MAML2: variants seen among roughly 807,000 people sequenced by gnomAD.
The protein encoded by MAML2 is mastermind like transcriptional coactivator 2, also known as mastermind-like protein 2.
In MAML2, 22 loss-of-function variants were observed where a neutral mutation model predicts 96.1. That is an observed-to-expected ratio of 0.23 (90% CI 0.16 to 0.33). MAML2 has a LOEUF of 0.33. MAML2 is among the 10% of genes least tolerant of loss of function. The probability of loss-of-function intolerance (pLI) is 1.00; values close to 1 mark genes in which losing one functional copy is unlikely to be tolerated. For synonymous variants in MAML2, 561 were observed against 521.3 expected (o/e 1.08, Z -1.04); for missense variants, 1,367 against 1,392.4 (o/e 0.98, Z 0.29).
chr11:95,994,339 G>C (rs541058776), intron 2 of MAML2, among the ~76,000 whole-genome samples: 2 of 152,336 alleles, frequency 1.3e-5, no homozygotes, highest in South Asian at 4.1e-4. Flanking sequence ...TGACCAGTCA[G>C]TTCTTTCAAC....
At chr11:96,030,514 A>C (rs1359548976) in intron 2 of MAML2, among the ~76,000 whole-genome samples, 1 of 152,224 alleles carries the variant, frequency 6.6e-6, no homozygotes, top group African/African-American at 2.4e-5. Flanking sequence ...AATATTTAAC[A>C]TATGCTTCTG....
chr11:96,139,385 G>A (rs1037582542), intron 1 of MAML2, among the ~76,000 whole-genome samples: 5 of 151,874 alleles, frequency 3.3e-5, no homozygotes, highest in African/African-American at 4.8e-5. Context: ...GCTGAGGCAG[G>A]AGAATGGCGT....
intron 1 of MAML2, among the ~76,000 whole-genome samples, chr11:96,149,827 G>GTCTCCT (rs1009787553): frequency 6.6e-6 from 1 of 151,938 alleles, no homozygotes; most frequent in Non-Finnish European, 1.5e-5. Context: ...TCTTCTCTCG[G>GTCTCCT]TCTCCTTCTC....
At chr11:96,242,155 A>G (rs1241468742) in intron 1 of MAML2, among the ~76,000 whole-genome samples, 1 of 152,212 alleles carries the variant, frequency 6.6e-6, no homozygotes, top group Non-Finnish European at 1.5e-5. Context: ...AACCAAGTGG[A>G]TGCCCCTCTT....
intron 1 of MAML2, among the ~76,000 whole-genome samples, chr11:96,109,326 A>G (rs1207166182): frequency 6.6e-6 from 1 of 152,154 alleles, no homozygotes; most frequent in African/African-American, 2.4e-5. Flanking sequence ...CATTATGAAG[A>G]TCGTGGGTAG....
chr11:95,999,467 G>A (rs1940151), intron 2 of MAML2, among the ~76,000 whole-genome samples: 4,721 of 146,066 alleles, frequency 0.032, 182 homozygotes, highest in African/African-American at 0.092. Flanking sequence ...AGTAAGACTC[G>A]TTGGATTCAG....
intron 1 of MAML2, among the ~76,000 whole-genome samples, chr11:96,232,673 G>A (rs1399517430): frequency 1.3e-5 from 2 of 152,050 alleles, no homozygotes; most frequent in Admixed American, 1.3e-4. Flanking sequence ...GGGTTTCACC[G>A]TGTTAGCCAG....
At chr11:96,081,951 A>G (rs1859534786) in intron 2 of MAML2, among the ~76,000 whole-genome samples, 1 of 152,134 alleles carries the variant, frequency 6.6e-6, no homozygotes, top group Admixed American at 6.5e-5. Context: ...ATTCAAACCC[A>G]TTTCATTTTC....
intron 2 of MAML2, among the ~76,000 whole-genome samples, chr11:96,043,698 C>A (rs1313434485): frequency 1.3e-5 from 2 of 152,184 alleles, no homozygotes; most frequent in East Asian, 3.8e-4. Flanking sequence ...TCAACTATAA[C>A]AAAATATTTT....
intron 1 of MAML2, among the ~76,000 whole-genome samples, chr11:96,272,725 A>G (rs897935471): frequency 6.6e-6 from 1 of 152,208 alleles, no homozygotes; most frequent in African/African-American, 2.4e-5. Flanking sequence ...ATGCAGCATT[A>G]CAGGTTTTCT....
chr11:96,264,205 G>A (rs572067432), intron 1 of MAML2, among the ~76,000 whole-genome samples: 1 of 152,290 alleles, frequency 6.6e-6, no homozygotes, highest in Admixed American at 6.5e-5. Flanking sequence ...CGTAACTTTT[G>A]TAAAGCCCCC....
intron 2 of MAML2, among the ~76,000 whole-genome samples, chr11:96,006,872 T>TACACACACACACAC (rs57492080): frequency 8.1e-6 from 1 of 123,968 alleles, no homozygotes; most frequent in Admixed American, 8.1e-5. Context: ...GAATATCTTA[T>TACACACACACACAC]ACACACACAC....
At chr11:96,004,503 A>G (rs1245496053) in intron 2 of MAML2, among the ~76,000 whole-genome samples, 4 of 152,162 alleles carry the variant, frequency 2.6e-5, no homozygotes, top group Non-Finnish European at 4.4e-5. Flanking sequence ...TGACAATTGT[A>G]TAGACTACTT....
chr11:96,225,139 G>A (rs1862193706), intron 1 of MAML2, among the ~76,000 whole-genome samples: 1 of 152,162 alleles, frequency 6.6e-6, no homozygotes, highest in East Asian at 1.9e-4. Context: ...TTCTTCCTGA[G>A]TGCAGGTTTG....
At chr11:96,312,682 T>A (rs475251) in intron 1 of MAML2, among the ~76,000 whole-genome samples, 105,046 of 152,100 alleles carry the variant, frequency 0.69, 36,383 homozygotes, top group East Asian at 0.82. Flanking sequence ...GAACATTCAT[T>A]ACATAAAATT....
chr11:96,060,653 C>G (rs1030674166), intron 2 of MAML2, among the ~76,000 whole-genome samples: 1 of 152,178 alleles, frequency 6.6e-6, no homozygotes, highest in Non-Finnish European at 1.5e-5. Flanking sequence ...TACAAATGTG[C>G]TGCAATTCGT....
At chr11:96,330,841 G>A (rs1863844125) in intron 1 of MAML2, among the ~76,000 whole-genome samples, 1 of 152,186 alleles carries the variant, frequency 6.6e-6, no homozygotes, top group Admixed American at 6.5e-5. Flanking sequence ...TTTATGTCAC[G>A]TTATTGGATA....
At chr11:96,131,515 A>G (rs1485677205) in intron 1 of MAML2, among the ~76,000 whole-genome samples, 2 of 152,198 alleles carry the variant, frequency 1.3e-5, no homozygotes, top group African/African-American at 4.8e-5. Context: ...TACATGAAAC[A>G]TTCTCCAGGA....
chr11:96,323,482 T>TG (rs1555040148), intron 1 of MAML2, among the ~76,000 whole-genome samples: 1 of 83,978 alleles, frequency 1.2e-5, no homozygotes, highest in African/African-American at 6.4e-5. Flanking sequence ...TACAAAATGC[T>TG]GAAAAAAAAA....
Sources: gnomAD v4.1 joint callset for allele counts (sites outside exome capture counted in the v4.1 genomes callset) on GRCh38, gnomAD v4.1.1 for gene constraint, MANE v1.5 for transcripts, NCBI Gene and HGNC (gene_info 2026-07-23, HGNC 2026-07-21) for gene names.